MPP4: variants seen among roughly 807,000 people sequenced by gnomAD.
MPP4 encodes MAGUK p55 subfamily member 4.
Under a neutral mutation model 98.3 loss-of-function variants are expected in MPP4, and 91 were observed. The observed-to-expected ratio is 0.93, with a 90% CI of 0.78 to 1.10. The LOEUF is 1.10. Ranked by LOEUF, MPP4 falls within the 50% of genes least tolerant of loss-of-function variation. The pLI is 0.00. For synonymous variants in MPP4, 261 were observed against 271.8 expected, an observed-to-expected ratio of 0.96 and a Z score of 0.39; for missense variants, 744 against 792.9, an observed-to-expected ratio of 0.94 and a Z score of 0.74.
At chr2:201,695,392 C>A (rs1559021230) in intron 1 of MPP4, among the ~76,000 whole-genome samples, 1 of 152,230 alleles carries the variant, frequency 6.6e-6, no homozygotes. Flanking sequence ...AAATGTCCCA[C>A]TGAACTATCA....
intron 19 of MPP4, 93 bp downstream of exon 19, chr2:201,649,979 C>A: frequency 2.4e-6 from 3 of 1,265,600 alleles, no homozygotes; most frequent in Non-Finnish European, 3.3e-6. Context: ...AAAGGAATTA[C>A]CCAGGAGATT....
chr2:201,673,813 T>C lies in MPP4; in HGVS notation c.994+1394A>G, dbSNP rs931300059. Among the ~76,000 whole-genome samples, 12 of 152,356 alleles carry C rather than the reference T, an allele frequency of 7.9e-5. 1 individual carries two copies. The highest frequency in any genetic ancestry group is 1.3e-4 in the Non-Finnish European group (9 of 68,028). On this transcript the variant is annotated intron_variant, in intron 11 of 21. Transcript: ENST00000409474. ...GGAGACATAATAAAGTGGGTGAGGC[T>C]TGCCCCGGGCAGATCTGTGATGTTG...
intron 1 of MPP4, among the ~76,000 whole-genome samples, chr2:201,696,296 G>T (rs2105953853): frequency 6.6e-6 from 1 of 152,216 alleles, no homozygotes; most frequent in Non-Finnish European, 1.5e-5. Flanking sequence ...TGTTGTTTTT[G>T]ACTCTATTGA....
intron 4 of MPP4, among the ~76,000 whole-genome samples, chr2:201,689,585 G>A (rs1182171912): frequency 2.0e-5 from 3 of 152,120 alleles, no homozygotes; most frequent in Admixed American, 6.5e-5. Flanking sequence ...ATATTTTGGT[G>A]AGATCCTGGA....
rs574786159 is a variant in MPP4 at position 201,672,705 on chromosome 2, T to C, written c.994+2502A>G. Among the ~76,000 whole-genome samples, 25 of 152,116 alleles carry C rather than the reference T, an allele frequency of 1.6e-4. No individual in the cohort carries two copies. The East Asian group carries it at 4.3e-3, about 26-fold the overall frequency. ...ACCCTCCCATGACTAAACCAGGAAG[T>C]AGTTGAATCCCTGAATAGACCAATA... On this transcript the variant is annotated intron_variant, in intron 11 of 21. Transcript: ENST00000409474.
At position 201,677,284 on chromosome 2, in the gene MPP4, A is replaced by G. The variant is rs183076183; in HGVS notation, c.930-2013T>C. On this transcript the variant is annotated intron_variant, in intron 10 of 21. Coordinates refer to ENST00000409474, the MANE Select transcript of MPP4 (RefSeq NM_033066.3). ...CATCTTCACATGTTCCCTCTGGGGG[A>G]AACTCCAGCGAATGGGGCCTCTCAC... Among the ~76,000 whole-genome samples, 19 of 152,212 alleles carry G rather than the reference A, an allele frequency of 1.2e-4. No homozygotes were observed. In the East Asian group the frequency reaches 3.1e-3, roughly 25 times the overall value.
intron 17 of MPP4, 69 bp downstream of exon 17, chr2:201,656,129 T>C: frequency 1.4e-6 from 2 of 1,466,452 alleles, no homozygotes; most frequent in South Asian, 1.4e-5. Flanking sequence ...TTATTCCCAA[T>C]GCAAGACACC....
In MPP4 at chr2:201,675,286, A is replaced by T. The variant is rs556277943; in HGVS notation, c.930-15T>A. 7 of 1,602,440 alleles carry T rather than the reference A, an allele frequency of 4.4e-6. No homozygotes were observed. Among genetic ancestry groups the T allele is most frequent in the Non-Finnish European group, 6.0e-6 (7 of 1,174,650 alleles). On this transcript the variant is annotated splice_polypyrimidine_tract_variant and intron_variant, in intron 10 of 21. Coordinates refer to ENST00000409474, the MANE Select transcript of MPP4 (RefSeq NM_033066.3). ...CCCGTTGCTTCCTATGGGGGGGAAA[A>T]AACCATGCGACAAAAAACAAACAAA...
At chr2:201,667,174 T>C (rs532093038) in intron 12 of MPP4, among the ~76,000 whole-genome samples, 1 of 152,322 alleles carries the variant, frequency 6.6e-6, no homozygotes, top group South Asian at 2.1e-4. Flanking sequence ...AAACTACTTA[T>C]CCTAATTCTC....
intron 13 of MPP4, among the ~76,000 whole-genome samples, chr2:201,664,774 G>A (rs1688125699): frequency 6.6e-6 from 1 of 152,136 alleles, no homozygotes; most frequent in African/African-American, 2.4e-5. Context: ...AAATGATATA[G>A]TTATAAGGCA....
Position 201,675,875 on chromosome 2 carries a change from C to T in MPP4, c.930-604G>A, listed in dbSNP as rs114934507. Among the ~76,000 whole-genome samples, 1,503 of 152,278 alleles carry T rather than the reference C, an allele frequency of 9.9e-3. 19 individuals are homozygous for T. Among genetic ancestry groups the T allele is most frequent in the Non-Finnish European group, 0.011 (764 of 68,016 alleles). On this transcript the variant is annotated intron_variant, in intron 10 of 21. Coordinates refer to ENST00000409474, the MANE Select transcript of MPP4 (RefSeq NM_033066.3). ...GCAAAGTTGCTCTTCCTTCTTTATT[C>T]AACACTGTGAAGTTTGGAGCAAGAG...
At chr2:201,648,805 C>A (rs1687638540) in intron 20 of MPP4, among the ~76,000 whole-genome samples, 1 of 152,200 alleles carries the variant, frequency 6.6e-6, no homozygotes, top group South Asian at 2.1e-4. Context: ...TGCCTATAAT[C>A]CCAGCACTTT....
chr2:201,666,448 T>A (rs1688177145), intron 12 of MPP4, 76 bp from the exon 13 acceptor site: 6 of 1,191,800 alleles, frequency 5.0e-6, no homozygotes, highest in Non-Finnish European at 7.1e-6. Context: ...CGGCCAGGCA[T>A]GGTGGCTCAT....
At chr2:201,651,031 CA>C (rs1687699421) in intron 18 of MPP4, 2 of 985,124 alleles carry the variant, frequency 2.0e-6, no homozygotes, top group African/African-American at 3.5e-5. Flanking sequence ...TCTGAAAACA[CA>C]AAGATGAGTA....
intron 9 of MPP4, 144 bp from the exon 10 acceptor site, chr2:201,681,178 A>G (rs1688655929): frequency 3.5e-6 from 3 of 860,202 alleles, no homozygotes; most frequent in Middle Eastern, 3.6e-4. Flanking sequence ...ACCCTCACCA[A>G]AAAGGAGAAC....
intron 1 of MPP4, among the ~76,000 whole-genome samples, chr2:201,697,652 G>T (rs139852653): frequency 3.5e-3 from 535 of 152,316 alleles, no homozygotes; most frequent in Non-Finnish European, 5.8e-3. Flanking sequence ...CAATCCTAAT[G>T]GGGGAGGCAG....
rs772278057 is a variant in MPP4 at position 201,685,995 on chromosome 2, G to A, written c.416C>T (p.Pro139Leu). The change falls in exon 6 of 22, where the codon CCT (proline) becomes CTT (leucine). Residue 139 changes from proline to leucine, a missense_variant. By Grantham distance (98) the Pro-to-Leu change is moderately conservative. Coordinates refer to ENST00000409474, the MANE Select transcript of MPP4 (RefSeq NM_033066.3). ...CTCAGGGATATTGTCTGGCAGTGGA[G>A]GGAGAAGGGGTTCAAAATCTTTCTG... ...IAQKDFEPLL[P>L]PLPDNIPESE... 1.9e-6 allele frequency: 3 copies of A among 1,612,956 alleles called. No individual in the cohort carries two copies. The highest frequency in any genetic ancestry group is 2.5e-6 in the Non-Finnish European group (3 of 1,179,074).
intron 16 of MPP4, among the ~76,000 whole-genome samples, chr2:201,657,345 G>A (rs1258785452): frequency 6.6e-6 from 1 of 152,146 alleles, no homozygotes; most frequent in Non-Finnish European, 1.5e-5. Context: ...TCTGCCTTTC[G>A]AATCATAGGG....
At chr2:201,686,181 C>A (rs547798054) in intron 5 of MPP4, 131 bp from the exon 6 acceptor site, 6 of 1,051,278 alleles carry the variant, frequency 5.7e-6, no homozygotes, top group Non-Finnish European at 8.0e-6. Flanking sequence ...AGACACAGTG[C>A]GAAGCATTTT....
Sources: allele counts gnomAD v4.1 joint callset (sites outside exome capture counted in the v4.1 genomes callset), GRCh38; gene constraint gnomAD v4.1.1; transcripts MANE v1.5; gene names NCBI Gene and HGNC (gene_info 2026-07-23, HGNC 2026-07-21).